RHPN1: variants seen among roughly 807,000 people sequenced by gnomAD.
The protein encoded by RHPN1 is rhophilin Rho GTPase binding protein 1.
A neutral mutation model predicts 74.7 loss-of-function variants in RHPN1; 77 were observed. The ratio of observed to expected loss-of-function variants is 1.03; its 90% CI spans 0.86 to 1.25. The LOEUF (loss-of-function observed/expected upper bound fraction) is 1.25. Ranked by LOEUF, RHPN1 falls within the 50% of genes most tolerant of loss-of-function variation. The pLI is 0.00. For synonymous variants in RHPN1, 444 were observed against 414.5 expected (o/e 1.07, Z -0.87); for missense variants, 987 against 932.2 (o/e 1.06, Z -0.77).
rs1818635806 is a variant in RHPN1 at position 143,380,462 on chromosome 8, GT to G, written c.1217-126del. The G allele has an allele frequency of 3.4e-6, 3 of 871,328 alleles. No individual in the cohort carries two copies. The African/African-American group carries it at 5.1e-5, about 15-fold the overall frequency. The allele number at this position is 871,328 out of a possible 1,614,324, so 54.0% of individuals were successfully genotyped here. Reference sequence around the variant, plus strand: ...CCTGCACAGCCAGCTCCTCACCCCCGTGGCGCGCACCCCCAACGAAAGTGGC... The same window carrying G: ...CCTGCACAGCCAGCTCCTCACCCCCGGGCGCGCACCCCCAACGAAAGTGGC... On this transcript the variant is annotated intron_variant, in intron 10 of 14. Transcript: ENST00000289013.
chr8:143,382,770 T>C lies in RHPN1; in HGVS notation c.*119T>C. ...GTCCCGCCTCATGCTGGAGGCTGCC[T>C]CGGGCACCTGCCTGCCCATTAAAGA... On this transcript the variant is annotated 3_prime_UTR_variant, in exon 15 of 15. Coordinates refer to ENST00000289013, the MANE Select transcript of RHPN1 (RefSeq NM_052924.3). 1.2e-6 allele frequency: 1 copy of C among 841,372 alleles called. No individual in the cohort carries two copies. Among genetic ancestry groups the C allele is most frequent in the Non-Finnish European group, 1.8e-6 (1 of 546,268 alleles). The allele number at this position is 841,372 out of a possible 1,614,324, so 52.1% of individuals were successfully genotyped here. A position where few individuals can be genotyped will look rare whatever the true frequency, so the allele number is the denominator to read the frequency against.
Position 143,380,109 on chromosome 8 carries a change from C to G in RHPN1, c.1150C>G (p.Pro384Ala). Residue 384 changes from proline to alanine, a missense_variant, in exon 10 of 15, where the codon CCC becomes GCC. Transcript: ENST00000289013. ...CACGCACGAGCAGGTCTTCCTGCAG[C>G]CCCCCACCTCCTCTAAGCCCCGAGG... ...LPTHEQVFLQ[P>A]PTSSKPRGPV... 1 of 1,551,922 alleles carries G rather than the reference C, an allele frequency of 6.4e-7. No individual in the cohort carries two copies. Among genetic ancestry groups the G allele is most frequent in the Non-Finnish European group, 8.7e-7 (1 of 1,149,034 alleles).
chr8:143,381,716 G>T lies in RHPN1; in HGVS notation c.1633G>T (p.Ala545Ser). The T allele has an allele frequency of 6.2e-7, 1 of 1,609,444 alleles. No homozygotes were observed. The highest frequency in any genetic ancestry group is 8.5e-7 in the Non-Finnish European group (1 of 1,178,530). ...TGCCGTCATTCCAGGGAGCCAGGCCGCGGTAAGGGCCCCGCCGGCCCCCTG... is the reference window on the plus strand; with the variant it reads ...TGCCGTCATTCCAGGGAGCCAGGCCTCGGTAAGGGCCCCGCCGGCCCCCTG... Reference protein sequence around the residue: ...IAAVIPGSQAAAAGLKEGDYI... With the variant: ...IAAVIPGSQASAAGLKEGDYI... Residue 545 changes from alanine to serine, a missense_variant and splice_region_variant, in exon 13 of 15, where the codon GCG becomes TCG. By Grantham distance (99) the Ala-to-Ser change is moderately conservative. Transcript: ENST00000289013.
intron 3 of RHPN1, among the ~76,000 whole-genome samples, chr8:143,376,981 T>C (rs1818300050): frequency 6.6e-6 from 1 of 151,534 alleles, no homozygotes; most frequent in Non-Finnish European, 1.5e-5. Context: ...TGCGTGCGTG[T>C]GCATGTCTGC....
intron 1 of RHPN1, among the ~76,000 whole-genome samples, chr8:143,372,308 A>C (rs1386883963): frequency 3.0e-5 from 1 of 33,086 alleles, no homozygotes; most frequent in Admixed American, 4.1e-4. Context: ...TAGGGATGGG[A>C]GGCGGGGGTG....
chr8:143,380,426 G>A (rs1184544710), intron 10 of RHPN1, 163 bp from the exon 11 acceptor site: 7 of 688,920 alleles, frequency 1.0e-5, no homozygotes, highest in African/African-American at 1.8e-5. Flanking sequence ...CTTTGCACGT[G>A]GCAGAGCCCT....
intron 14 of RHPN1, among the ~76,000 whole-genome samples, 171 bp from the exon 15 acceptor site, chr8:143,382,265 G>A (rs1161502584): frequency 6.6e-6 from 1 of 152,218 alleles, no homozygotes; most frequent in Non-Finnish European, 1.5e-5. Context: ...GGCTGACCCA[G>A]GGTTGGGTGA....
Position 143,382,594 on chromosome 8 carries a change from C to G in RHPN1, c.1956C>G (p.Pro652=). 1.2e-6 allele frequency: 2 copies of G among 1,611,164 alleles called. No homozygotes were observed. Among genetic ancestry groups the G allele is most frequent in the Non-Finnish European group, 1.7e-6 (2 of 1,179,754 alleles). Residue 652 remains proline (P), a synonymous_variant, in exon 15 of 15, where the codon CCC becomes CCG. Coordinates refer to ENST00000289013, the MANE Select transcript of RHPN1 (RefSeq NM_052924.3). ...GCAAGACTGGAGGCTGCCCCCAGCCCTGTGCCCCAGTGAAGCCAGCTCCGC... is the reference window on the plus strand; with the variant it reads ...GCAAGACTGGAGGCTGCCCCCAGCCGTGTGCCCCAGTGAAGCCAGCTCCGC... ...QQGKTGGCPQ[P]CAPVKPAPPS...
At chr8:143,381,509 A>T in intron 12 of RHPN1, 63 bp from the exon 13 acceptor site, 1 of 1,544,476 alleles carries the variant, frequency 6.5e-7, no homozygotes, top group Non-Finnish European at 8.7e-7. Flanking sequence ...TGGATGTGCT[A>T]GTCAGGCGGG....
At position 143,379,856 on chromosome 8, in the gene RHPN1, C is replaced by T. The variant is rs534849904; in HGVS notation, c.973C>T (p.Arg325Trp). The change falls in exon 9 of 15, where the codon CGG becomes TGG. Residue 325 changes from arginine to tryptophan, a missense_variant. By Grantham distance (101) the Arg-to-Trp change is moderately radical (BLOSUM62 -3). Transcript: ENST00000289013. ...GGCAGCCGAGTACAGGCTAGTGCAC[C>T]GGACCATGGCCCAGCCACCCGTCCA... ...QVAAEYRLVH[R>W]TMAQPPVHDY... 19 of 1,610,632 alleles carry T rather than the reference C, an allele frequency of 1.2e-5. No homozygotes were observed. Among genetic ancestry groups the T allele is most frequent in the Middle Eastern group, 1.7e-4 (1 of 6,028 alleles).
Position 143,378,356 on chromosome 8 carries a change from T to TCCCCCCCCCCCCCCCCCCCCCC in RHPN1, c.459+15_459+16insCCCCCCCCCCCCCCCCCCCCCC. The TCCCCCCCCCCCCCCCCCCCCCC allele has an allele frequency of 6.6e-7, 1 of 1,525,440 alleles. No individual in the cohort carries two copies. The allele number at this position is 1,525,440 out of a possible 1,614,324, so 94.5% of individuals were successfully genotyped here. ...GGAGGCCCTGCGGCAGGTGTGTGGT[T>TCCCCCCCCCCCCCCCCCCCCCC]CCCCCGCCCACCCACCCTCCTGCAG... On this transcript the variant is annotated intron_variant, in intron 5 of 14. Transcript: ENST00000289013.
At chr8:143,364,880 A>C (rs910021273), upstream of RHPN1, among the ~76,000 whole-genome samples, 2 of 152,102 alleles carry the variant, frequency 1.3e-5, no homozygotes, top group Admixed American at 1.3e-4. The surrounding 1 kb of genome is among the most constrained non-coding windows in gnomAD (Gnocchi z 4.5). Context: ...ATTGGTGGCT[A>C]TTACCACCAT....
chr8:143,376,117 C>T (rs753995481), intron 2 of RHPN1, among the ~76,000 whole-genome samples: 6 of 152,210 alleles, frequency 3.9e-5, no homozygotes, highest in Non-Finnish European at 7.4e-5. Context: ...TACCTCCCTG[C>T]CCCCATCCTG....
Position 143,376,599 on chromosome 8 carries a change from T to C in RHPN1, c.251T>C (p.Leu84Pro). Reference protein sequence around the residue: ...LSYVNSNLQLLKEELEELSGG... With the variant: ...LSYVNSNLQLPKEELEELSGG... Reference sequence around the variant, plus strand: ...TACGTCAACTCCAACCTGCAGCTGCTGAAGGAGGAGCTGGAGGAGCTCAGC... The same window carrying C: ...TACGTCAACTCCAACCTGCAGCTGCCGAAGGAGGAGCTGGAGGAGCTCAGC... Residue 84 changes from leucine (L) to proline (P), a missense_variant, in exon 3 of 15, where the codon CTG becomes CCG. Physicochemically the swap from Leu to Pro is moderately conservative, Grantham distance 98 (BLOSUM62 -3). Transcript: ENST00000289013. 1 of 1,602,204 alleles carries C rather than the reference T, an allele frequency of 6.2e-7. No individual in the cohort carries two copies. Among genetic ancestry groups the C allele is most frequent in the African/African-American group, 1.3e-5 (1 of 74,678 alleles).
At chr8:143,378,383 C>A (rs1404333042) in intron 5 of RHPN1, 37 bp downstream of exon 5, 1 of 1,441,502 alleles carries the variant, frequency 6.9e-7, no homozygotes, top group Non-Finnish European at 9.4e-7. Context: ...CTCCTGCAGC[C>A]CTGGGAGACA....
Position 143,381,695 on chromosome 8 carries a change from G to T in RHPN1, c.1612G>T (p.Val538Phe). The T allele has an allele frequency of 6.2e-7, 1 of 1,611,186 alleles. No individual in the cohort carries two copies. The highest frequency in any genetic ancestry group is 8.5e-7 in the Non-Finnish European group (1 of 1,179,292). Residue 538 changes from valine (V) to phenylalanine (F), a missense_variant, in exon 13 of 15, where the codon GTC (valine) becomes TTC (phenylalanine). Val to Phe is a conservative substitution (Grantham distance 50). Transcript: ENST00000289013. ...RGDSPVLIAA[V>F]IPGSQAAAAG... ...AGACTCGCCTGTCCTCATCGCTGCC[G>T]TCATTCCAGGGAGCCAGGCCGCGGT... is the stretch of plus-strand genomic sequence containing the variant.
At chr8:143,369,292 G>C (rs1316341685) in intron 1 of RHPN1, among the ~76,000 whole-genome samples, 1 of 152,220 alleles carries the variant, frequency 6.6e-6, no homozygotes, top group African/African-American at 2.4e-5. Flanking sequence ...GCTGAAGCGG[G>C]TTGGGGGGAC....
chr8:143,369,417 G>A (rs1041432672), intron 1 of RHPN1, among the ~76,000 whole-genome samples: 8 of 152,156 alleles, frequency 5.3e-5, no homozygotes, highest in Non-Finnish European at 1.0e-4. Flanking sequence ...CCCTAGTTCG[G>A]TCCTCCCTCT....
chr8:143,382,593 C>T lies in RHPN1; in HGVS notation c.1955C>T (p.Pro652Leu). ...QQGKTGGCPQ[P>L]CAPVKPAPPS... ...GGCAAGACTGGAGGCTGCCCCCAGC[C>T]CTGTGCCCCAGTGAAGCCAGCTCCG... Residue 652 changes from proline (P) to leucine (L), a missense_variant, in exon 15 of 15, where the codon CCC becomes CTC. Pro to Leu is a moderately conservative substitution (Grantham distance 98). Transcript: ENST00000289013. The T allele has an allele frequency of 6.2e-7, 1 of 1,611,158 alleles. No individual in the cohort carries two copies. The highest frequency in any genetic ancestry group is 2.2e-5 in the East Asian group (1 of 44,882).
Sources: allele counts gnomAD v4.1 joint callset (sites outside exome capture counted in the v4.1 genomes callset), GRCh38; gene constraint gnomAD v4.1.1; non-coding constraint Gnocchi (gnomAD v3.1); transcripts MANE v1.5; gene names NCBI Gene and HGNC (gene_info 2026-07-23, HGNC 2026-07-21).